PHACTR3: variants seen among roughly 807,000 people sequenced by gnomAD.
PHACTR3 encodes the protein phosphatase and actin regulator 3.
PHACTR3 carries 16 observed loss-of-function variants against 66.8 expected under a neutral mutation model. That is an observed-to-expected ratio of 0.24 (90% CI 0.16 to 0.36). PHACTR3 has a LOEUF of 0.36. Ranked by LOEUF, PHACTR3 falls within the 10% of genes least tolerant of loss-of-function variation. The probability of loss-of-function intolerance (pLI) is 1.00; values close to 1 mark genes in which losing one functional copy is unlikely to be tolerated. For missense variants in PHACTR3, 647 were observed against 719.9 expected (o/e 0.90, Z 1.16); for synonymous variants, 323 against 292.1 (o/e 1.11, Z -1.08).
intron 1 of PHACTR3, among the ~76,000 whole-genome samples, chr20:59,634,411 A>C (rs2034776150): frequency 6.6e-6 from 1 of 152,174 alleles, no homozygotes; most frequent in Non-Finnish European, 1.5e-5. Context: ...CAGGTAAAAC[A>C]CTTAATGTGG....
At chr20:59,833,819 T>G (rs1321098602) in intron 8 of PHACTR3, among the ~76,000 whole-genome samples, 1 of 152,168 alleles carries the variant, frequency 6.6e-6, no homozygotes, top group East Asian at 1.9e-4. Flanking sequence ...GAAGATCCGT[T>G]GCAAGGGTGC....
chr20:59,737,167 C>T (rs2038972387), intron 1 of PHACTR3, among the ~76,000 whole-genome samples: 1 of 152,304 alleles, frequency 6.6e-6, no homozygotes, highest in Non-Finnish European at 1.5e-5. Flanking sequence ...CTGCCCCTTT[C>T]CCATCATAGC....
chr20:59,629,231 A>T (rs933710844), intron 1 of PHACTR3, among the ~76,000 whole-genome samples: 4 of 152,180 alleles, frequency 2.6e-5, no homozygotes, highest in African/African-American at 9.7e-5. Context: ...TGCCCCCACC[A>T]TGCTCCAGTG....
chr20:59,590,936 G>A (rs560442603), intron 1 of PHACTR3, among the ~76,000 whole-genome samples: 39 of 152,232 alleles, frequency 2.6e-4, no homozygotes, highest in Non-Finnish European at 4.4e-4. Context: ...TGAGCGCTGC[G>A]CTGTCCTGTG....
chr20:59,698,440 A>T (rs1356951334), intron 1 of PHACTR3, among the ~76,000 whole-genome samples: 1 of 152,162 alleles, frequency 6.6e-6, no homozygotes, highest in Non-Finnish European at 1.5e-5. Context: ...ATAAAAAAAA[A>T]AGGATTTCAC....
chr20:59,837,527 C>A (rs2058987922), intron 9 of PHACTR3, among the ~76,000 whole-genome samples: 1 of 152,050 alleles, frequency 6.6e-6, no homozygotes, highest in South Asian at 2.1e-4. Context: ...TGAAAATAAC[C>A]CTCAGATAAA....
At chr20:59,809,976 T>C (rs1028839081) in intron 8 of PHACTR3, among the ~76,000 whole-genome samples, 2 of 152,244 alleles carry the variant, frequency 1.3e-5, no homozygotes, top group South Asian at 2.1e-4. Flanking sequence ...CAGAATTTTA[T>C]TCACTTCTGT....
intron 1 of PHACTR3, among the ~76,000 whole-genome samples, chr20:59,627,733 T>C (rs917675084): frequency 1.3e-5 from 2 of 152,232 alleles, no homozygotes; most frequent in Admixed American, 6.5e-5. Flanking sequence ...TGTGTATCTA[T>C]GTATGTATCT....
At chr20:59,847,067 G>T (rs369743457) in intron 12 of PHACTR3, 48 bp from the exon 13 acceptor site, 40 of 1,370,096 alleles carry the variant, frequency 2.9e-5, no homozygotes, top group Non-Finnish European at 3.9e-5. Context: ...TATTTTAACT[G>T]CTAGAAATGA....
At chr20:59,769,067 A>C (rs2865767) in intron 5 of PHACTR3, among the ~76,000 whole-genome samples, 127,840 of 152,250 alleles carry the variant, frequency 0.84, 53,801 homozygotes, top group African/African-American at 0.88. Context: ...GTTCTCCCTG[A>C]CAGAACATTC....
chr20:59,759,286 A>G (rs1236908555), intron 4 of PHACTR3, among the ~76,000 whole-genome samples: 1 of 152,232 alleles, frequency 6.6e-6, no homozygotes, highest in Non-Finnish European at 1.5e-5. Flanking sequence ...AAGCTTGGCC[A>G]TGAGCAACAT....
At chr20:59,622,027 G>T (rs1568939856) in intron 1 of PHACTR3, among the ~76,000 whole-genome samples, 1 of 152,104 alleles carries the variant, frequency 6.6e-6, no homozygotes, top group African/African-American at 2.4e-5. Context: ...AAAGTCATTG[G>T]GAGAATGAGT....
At chr20:59,636,964 T>C (rs994981202) in intron 1 of PHACTR3, among the ~76,000 whole-genome samples, 10 of 152,200 alleles carry the variant, frequency 6.6e-5, no homozygotes, top group African/African-American at 2.4e-4. Context: ...AAGCCCTCGA[T>C]GGGTACAGGC....
chr20:59,784,960 C>A (rs1021160668), intron 7 of PHACTR3, among the ~76,000 whole-genome samples: 2 of 146,604 alleles, frequency 1.4e-5, no homozygotes, highest in African/African-American at 5.0e-5. Context: ...GAGTGCAGAC[C>A]TGATGCCGTC....
intron 8 of PHACTR3, among the ~76,000 whole-genome samples, chr20:59,806,890 G>A (rs1044641708): frequency 1.2e-4 from 19 of 152,210 alleles, no homozygotes; most frequent in East Asian, 1.9e-4. Flanking sequence ...ATTCTAGCAC[G>A]TTATGGTATA....
chr20:59,765,618 G>A (rs1459869906), intron 4 of PHACTR3, among the ~76,000 whole-genome samples: 3 of 152,224 alleles, frequency 2.0e-5, no homozygotes, highest in South Asian at 2.1e-4. Flanking sequence ...ATAAAGGAAC[G>A]GAAACTAATG....
chr20:59,585,690 T>C (rs947703593), intron 1 of PHACTR3, among the ~76,000 whole-genome samples: 1 of 152,082 alleles, frequency 6.6e-6, no homozygotes, highest in East Asian at 1.9e-4. Flanking sequence ...ATGGAGAGCA[T>C]GATGGGGAGG....
At chr20:59,717,738 T>G (rs774731665) in intron 1 of PHACTR3, among the ~76,000 whole-genome samples, 10 of 152,250 alleles carry the variant, frequency 6.6e-5, no homozygotes, top group Non-Finnish European at 1.0e-4. Flanking sequence ...CAAAAATGAC[T>G]TTGCTATATA....
At chr20:59,751,043 G>C (rs571173292) in intron 3 of PHACTR3, among the ~76,000 whole-genome samples, 3 of 152,238 alleles carry the variant, frequency 2.0e-5, no homozygotes, top group African/African-American at 4.8e-5. Flanking sequence ...AATTGTTGGC[G>C]GTGGCTGTGC....
Sources: gnomAD v4.1 joint callset for allele counts (sites outside exome capture counted in the v4.1 genomes callset) on GRCh38, gnomAD v4.1.1 for gene constraint, MANE v1.5 for transcripts, NCBI Gene and HGNC (gene_info 2026-07-23, HGNC 2026-07-21) for gene names.